The following DGCR8 variants were observed in gnomAD, a reference collection of about 807,000 sequenced individuals.
DGCR8 encodes the protein DGCR8 microprocessor complex subunit.
Under a neutral mutation model 78.5 loss-of-function variants are expected in DGCR8, and 14 were observed. That is an observed-to-expected ratio of 0.18 (90% confidence interval 0.12 to 0.28). The LOEUF is 0.28. Ranked by LOEUF, DGCR8 falls within the 10% of genes least tolerant of loss-of-function variation. DGCR8 has a pLI of 1.00. For synonymous variants in DGCR8, 399 were observed against 402.4 expected, an observed-to-expected ratio of 0.99 and a Z score of 0.10; for missense variants, 702 against 1,022.5, an observed-to-expected ratio of 0.69 and a Z score of 4.28.
intron 1 of DGCR8, among the ~76,000 whole-genome samples, chr22:20,082,839 A>T (rs2049433656): frequency 6.6e-6 from 1 of 152,170 alleles, no homozygotes; most frequent in Non-Finnish European, 1.5e-5. Flanking sequence ...AAAATGCTTA[A>T]AGTGCTTAGA....
Position 20,080,310 on chromosome 22 carries a change from C to T in DGCR8, c.-351C>T, listed in dbSNP as rs1174359379. On this transcript the variant is annotated 5_prime_UTR_variant, in exon 1 of 14. Transcript: ENST00000351989. ...CCTGGACAGGCTTTCCAGATGGCTG[C>T]GGCGGTCGGTCGGTGAGGCTTTCCC... The T allele has an allele frequency of 3.5e-5, 34 of 980,954 alleles. No individual in the cohort carries two copies. The highest frequency in any genetic ancestry group is 4.0e-5 in the Non-Finnish European group (33 of 828,180). The allele number at this position is 980,954 out of a possible 1,614,324, so 60.8% of individuals were successfully genotyped here. A position where few individuals can be genotyped will look rare whatever the true frequency, so the allele number is the denominator to read the frequency against.
chr22:20,084,379 G>A (rs139998404), intron 1 of DGCR8, among the ~76,000 whole-genome samples: 51 of 152,350 alleles, frequency 3.3e-4, no homozygotes, highest in Middle Eastern at 3.4e-3. Flanking sequence ...GCATGTGCGT[G>A]TGTCTGCATG....
chr22:20,109,203 T>A, intron 13 of DGCR8, 200 bp downstream of exon 13: 1 of 456,434 alleles, frequency 2.2e-6, no homozygotes, highest in Non-Finnish European at 4.1e-6. Context: ...TTGGTTCTGT[T>A]GTTAGAGAGC....
rs546954258 is a variant in DGCR8 at position 20,085,022 on chromosome 22, C to T, written c.-277-665C>T. ...CCAGCTGTCTCTTGTGGCTCCCCAC[C>T]CCAAATCCTGGCAGGTCCCTTCCCC... On this transcript the variant is annotated intron_variant, in intron 1 of 13. Coordinates refer to ENST00000351989, the MANE Select transcript of DGCR8 (RefSeq NM_022720.7). The surrounding 1 kb of genome is among the most constrained non-coding windows in gnomAD (Gnocchi z 6.2). 7.1e-6 allele frequency: 7 copies of T among 985,410 alleles called. No individual in the cohort carries two copies. The highest frequency in any genetic ancestry group is 1.1e-4 in the East Asian group (1 of 8,818). The allele number at this position is 985,410 out of a possible 1,614,324, so 61.0% of individuals were successfully genotyped here.
Position 20,086,345 on chromosome 22 carries a change from T to C in DGCR8, c.382T>C (p.Cys128Arg), listed in dbSNP as rs1181616796. The C allele has an allele frequency of 6.2e-7, 1 of 1,613,724 alleles. No homozygotes were observed. The highest frequency in any genetic ancestry group is 1.1e-5 in the South Asian group (1 of 91,020). The change falls in exon 2 of 14, where the codon TGC (cysteine) becomes CGC (arginine). Residue 128 changes from cysteine to arginine, a missense_variant. Cys to Arg is a radical substitution (Grantham distance 180, BLOSUM62 -3). This residue lies in a region of DGCR8 where 356 missense variants were observed against 448.9 expected (regional missense o/e 0.79). Coordinates refer to ENST00000351989, the MANE Select transcript of DGCR8 (RefSeq NM_022720.7). This position sits in a 1 kb window ranked among gnomAD's most constrained non-coding sequence, Gnocchi z 6.4. Reference protein sequence around the residue: ...VKISVSFTESCRSKDRKVLYT... With the variant: ...VKISVSFTESRRSKDRKVLYT... The stretch of plus-strand genomic sequence containing the variant: ...GATTAGCGTGAGCTTTACCGAGAGC[T>C]GCAGGAGTAAGGACAGGAAGGTGCT...
intron 12 of DGCR8, 78 bp from the exon 13 acceptor site, chr22:20,108,812 G>GA: frequency 1.1e-6 from 1 of 915,472 alleles, no homozygotes; most frequent in Non-Finnish European, 1.8e-6. Flanking sequence ...CAGGGTCCCA[G>GA]GCACACAGCT....
chr22:20,099,629 A>C (rs1011363757), intron 9 of DGCR8, among the ~76,000 whole-genome samples: 1 of 152,222 alleles, frequency 6.6e-6, no homozygotes, highest in East Asian at 1.9e-4. Flanking sequence ...CAGATTGTTG[A>C]AAGCCTTTCT....
intron 7 of DGCR8, among the ~76,000 whole-genome samples, chr22:20,092,250 C>T: frequency 6.6e-6 from 1 of 152,210 alleles, no homozygotes; most frequent in East Asian, 1.9e-4. Flanking sequence ...TTGTCATGGA[C>T]AGCCTTATTG....
rs1640299 is a variant in DGCR8, at chr22:20,110,836, T to G, written c.*728T>G. 0.44 allele frequency: 87,153 copies of G among 198,022 alleles called. 20,004 individuals are homozygous for G. Among genetic ancestry groups the G allele is most frequent in the Middle Eastern group, 0.5 (268 of 540 alleles). 12.3% of individuals were successfully genotyped at this position (198,022 alleles called of 1,614,324 possible). A position where few individuals can be genotyped will look rare whatever the true frequency, so the allele number is the denominator to read the frequency against. The stretch of plus-strand genomic sequence containing the variant: ...TCCCTTTTTCTGATGAAGTCTTAAT[T>G]CCCTAAAAGCGCCTCTTTGGACACT... On this transcript the variant is annotated 3_prime_UTR_variant, in exon 14 of 14. Transcript: ENST00000351989.
rs2049846812 is a variant in DGCR8, at chr22:20,111,590, T to C, written c.*1482T>C. 5.1e-6 allele frequency: 2 copies of C among 393,532 alleles called. No individual in the cohort carries two copies. The highest frequency in any genetic ancestry group is 8.9e-6 in the Non-Finnish European group (2 of 223,552). The allele number at this position is 393,532 out of a possible 1,614,324, so 24.4% of individuals were successfully genotyped here. A position where few individuals can be genotyped will look rare whatever the true frequency, so the allele number is the denominator to read the frequency against. On this transcript the variant is annotated 3_prime_UTR_variant, in exon 14 of 14. Transcript: ENST00000351989. ...TTGCCCTTAGCCAGCCAGATGCGCC[T>C]GTGAACCAAAGCTTCGTGCACATGT...
rs534150077 is a variant in DGCR8, at chr22:20,110,875, C to T, written c.*767C>T. ...TCTTTGGACACTGAGGCCCTCTCTG[C>T]CTTTCCTGGCCTCCGGCAACAGTTT... On this transcript the variant is annotated 3_prime_UTR_variant, in exon 14 of 14. Coordinates refer to ENST00000351989, the MANE Select transcript of DGCR8 (RefSeq NM_022720.7). The T allele has an allele frequency of 5.3e-5, 14 of 263,884 alleles. No homozygotes were observed. Among genetic ancestry groups the T allele is most frequent in the African/African-American group, 3.1e-4 (14 of 45,600 alleles). The allele number at this position is 263,884 out of a possible 1,614,324, so 16.3% of individuals were successfully genotyped here.
At chr22:20,093,614 C>T (rs920319975) in intron 8 of DGCR8, among the ~76,000 whole-genome samples, 3 of 152,190 alleles carry the variant, frequency 2.0e-5, no homozygotes, top group East Asian at 1.9e-4. Flanking sequence ...TTGGCATCCT[C>T]CCCCAGTGGT....
At chr22:20,107,242 C>T (rs756805490) in intron 11 of DGCR8, 29 bp from the exon 12 acceptor site, 1 of 1,613,964 alleles carries the variant, frequency 6.2e-7, no homozygotes, top group East Asian at 2.2e-5. Context: ...TTGTGACCCC[C>T]TCTCCATGCT....
chr22:20,089,989 C>T lies in DGCR8; in HGVS notation c.1037C>T (p.Pro346Leu). ...GTGSIRKHDP[P>L]LSSIPCLHYK... ...CACTATCCACAGAAACACGACCCTCCTCTGAGTAGCATCCCTTGTCTGCAT... is the reference window on the plus strand; with the variant it reads ...CACTATCCACAGAAACACGACCCTCTTCTGAGTAGCATCCCTTGTCTGCAT... The change falls in exon 5 of 14, where the codon CCT becomes CTT. Residue 346 changes from proline (P) to leucine (L), a missense_variant. Physicochemically the swap from Pro to Leu is moderately conservative, Grantham distance 98 (BLOSUM62 -3). Coordinates refer to ENST00000351989, the MANE Select transcript of DGCR8 (RefSeq NM_022720.7). The surrounding 1 kb of genome is among the most constrained non-coding windows in gnomAD (Gnocchi z 4.9). The T allele has an allele frequency of 6.2e-7, 1 of 1,611,772 alleles. No individual in the cohort carries two copies. Among genetic ancestry groups the T allele is most frequent in the Non-Finnish European group, 8.5e-7 (1 of 1,178,668 alleles).
chr22:20,094,758 C>T lies in DGCR8; in HGVS notation c.1751C>T (p.Thr584Ile). 4 of 1,614,170 alleles carry T rather than the reference C, an allele frequency of 2.5e-6. No homozygotes were observed. The highest frequency in any genetic ancestry group is 3.4e-6 in the Non-Finnish European group (4 of 1,180,010). ...EILIPDFVKQ[T>I]SEEKPKDSEE... The stretch of plus-strand genomic sequence containing the variant: ...CTCATCCCTGACTTTGTTAAACAGA[C>T]CTCTGAAGAGAAGCCCAAAGACAGT... The change falls in exon 9 of 14, where the codon ACC (threonine) becomes ATC (isoleucine). Residue 584 changes from threonine to isoleucine, a missense_variant. By Grantham distance (89) the Thr-to-Ile change is moderately conservative. This residue lies in a region of DGCR8 where 225 missense variants were observed against 427.7 expected (regional missense o/e 0.53). Transcript: ENST00000351989.
chr22:20,094,077 C>T (rs1326815657), intron 8 of DGCR8, among the ~76,000 whole-genome samples: 2 of 152,168 alleles, frequency 1.3e-5, no homozygotes, highest in East Asian at 1.9e-4. Flanking sequence ...GTGTGCTCTT[C>T]CCTCTGCGGG....
At position 20,086,503 on chromosome 22, in the gene DGCR8, TAAG is replaced by T. The variant is rs766811802; in HGVS notation, c.544_546del (p.Lys182del). 4.3e-6 allele frequency: 7 copies of T among 1,613,814 alleles called. No individual in the cohort carries two copies. The East Asian group carries it at 8.9e-5, about 21-fold the overall frequency. On this transcript the variant is annotated inframe_deletion, in exon 2 of 14. Transcript: ENST00000351989. The surrounding 1 kb of genome is among the most constrained non-coding windows in gnomAD (Gnocchi z 6.4). ...TAGGCATAGGGGGTGAGAGTGCTGA[TAAG>T]AAGGATGAGGAGAATGAGCTGGATC...
chr22:20,100,740 A>G (rs2049688338), intron 9 of DGCR8: 1 of 985,412 alleles, frequency 1.0e-6, no homozygotes, highest in African/African-American at 1.7e-5. Context: ...GTGGAGAAGG[A>G]CATGGGGGTG....
intron 1 of DGCR8, among the ~76,000 whole-genome samples, chr22:20,084,796 CTT>C (rs2049459686): frequency 6.6e-6 from 1 of 152,262 alleles, no homozygotes; most frequent in Non-Finnish European, 1.5e-5. Flanking sequence ...GCCAGGGCCT[CTT>C]TCACACCTTT....
Sources: allele counts gnomAD v4.1 joint callset (sites outside exome capture counted in the v4.1 genomes callset), GRCh38; gene constraint gnomAD v4.1.1; regional missense constraint gnomAD v4.1.1; non-coding constraint Gnocchi (gnomAD v3.1); transcripts MANE v1.5; gene names NCBI Gene and HGNC (gene_info 2026-07-23, HGNC 2026-07-21).